ARHGAP29: variants seen among roughly 807,000 people sequenced by gnomAD.
ARHGAP29 encodes rho GTPase-activating protein 29.
In ARHGAP29, 43 loss-of-function variants were observed where a neutral mutation model predicts 122.6. The ratio of observed to expected loss-of-function variants is 0.35; its 90% CI spans 0.27 to 0.45. The LOEUF is 0.45. Among genes scored for constraint, ARHGAP29 ranks in the 20% least tolerant of loss-of-function variants. ARHGAP29 has a pLI of 1.00. For missense variants in ARHGAP29, 1,303 were observed against 1,477.2 expected, an observed-to-expected ratio of 0.88 and a Z score of 1.93; for synonymous variants, 506 against 497.1, an observed-to-expected ratio of 1.02 and a Z score of -0.24.
At chr1:94,242,984 T>C (rs1233960233) in intron 1 of ARHGAP29, among the ~76,000 whole-genome samples, 1 of 152,102 alleles carries the variant, frequency 6.6e-6, no homozygotes, top group African/African-American at 2.4e-5. Context: ...AAGTGAGTCA[T>C]TTCATCATAA....
the ARHGAP29 span, among the ~76,000 whole-genome samples, chr1:94,304,730 A>T: frequency 6.6e-6 from 1 of 152,212 alleles, no homozygotes; most frequent in South Asian, 2.1e-4. Context: ...ATGCTGATGC[A>T]GGAAATATGA....
chr1:94,261,102 A>G (rs1056440644), intron 1 of ARHGAP29, among the ~76,000 whole-genome samples: 2 of 152,156 alleles, frequency 1.3e-5, no homozygotes, highest in Admixed American at 1.3e-4. Flanking sequence ...ATCAGATTGG[A>G]CTTTTTGGAA....
rs542889816 is a variant in ARHGAP29 at position 94,208,004 on chromosome 1, C to G, written c.510+828G>C. Among the ~76,000 whole-genome samples the G allele has an allele frequency of 5.3e-5, 8 of 152,246 alleles. No individual in the cohort carries two copies. In the East Asian group the frequency reaches 1.4e-3, roughly 26 times the overall value. Reference sequence around the variant, plus strand: ...GGACTACAGACTTGTGCCACCACATCTGGCTAATTTTTTGTAGGGACAGGG... The same window carrying G: ...GGACTACAGACTTGTGCCACCACATGTGGCTAATTTTTTGTAGGGACAGGG... On this transcript the variant is annotated intron_variant, in intron 5 of 22. Transcript: ENST00000260526.
At chr1:94,194,849 A>C (rs1047828112) in intron 12 of ARHGAP29, 1 of 152,256 alleles carries the variant, frequency 6.6e-6, no homozygotes, top group African/African-American at 2.4e-5. Context: ...TTATGTTTTG[A>C]TATATGCTGC....
the ARHGAP29 span, among the ~76,000 whole-genome samples, chr1:94,287,114 A>G: frequency 1.3e-5 from 2 of 152,068 alleles, no homozygotes; most frequent in Non-Finnish European, 2.9e-5. Context: ...ACCCTCTTTG[A>G]GTTTGATTAA....
intron 13 of ARHGAP29, 69 bp from the exon 14 acceptor site, chr1:94,189,421 CTA>C: frequency 1.4e-6 from 2 of 1,438,350 alleles, no homozygotes; most frequent in Non-Finnish European, 1.8e-6. Flanking sequence ...TGATTTCATT[CTA>C]TGTTTAGAAA....
Position 94,189,954 on chromosome 1 carries a change from T to G in ARHGAP29, c.1411A>C (p.Asn471His). 6.2e-7 allele frequency: 1 copy of G among 1,613,412 alleles called. No homozygotes were observed. The highest frequency in any genetic ancestry group is 8.5e-7 in the Non-Finnish European group (1 of 1,179,554). ...TCAACTTTTTCTTCTTCAGTTGAATTTGTGGCCTTGACAAATTCACTGTAC... is the reference window on the plus strand; with the variant it reads ...TCAACTTTTTCTTCTTCAGTTGAATGTGTGGCCTTGACAAATTCACTGTAC... ...QEYSEFVKAT[N>H]STEEEKVDGN... The change falls in exon 13 of 23, where the codon AAT becomes CAT. Residue 471 changes from asparagine to histidine, a missense_variant. Physicochemically the swap from Asn to His is moderately conservative, Grantham distance 68. This residue lies in a region of ARHGAP29 where 592 missense variants were observed against 648.2 expected (regional missense o/e 0.91). Transcript: ENST00000260526.
At chr1:94,307,899 G>A in the ARHGAP29 span, among the ~76,000 whole-genome samples, 1 of 152,272 alleles carries the variant, frequency 6.6e-6, no homozygotes, top group Admixed American at 6.5e-5. Flanking sequence ...CTTAACCCAA[G>A]AAAAAGCAAA....
At chr1:94,266,522 T>A (rs1654776277) in intron 1 of ARHGAP29, among the ~76,000 whole-genome samples, 1 of 152,284 alleles carries the variant, frequency 6.6e-6, no homozygotes, top group African/African-American at 2.4e-5. Flanking sequence ...CTTCCATCTC[T>A]TCTTTCCTTC....
At chr1:94,211,316 A>G (rs12759255) in intron 3 of ARHGAP29, among the ~76,000 whole-genome samples, 1 of 138,744 alleles carries the variant, frequency 7.2e-6, no homozygotes, top group Non-Finnish European at 1.6e-5. Context: ...AAAAAAAAGG[A>G]CATAACAATT....
upstream of ARHGAP29, among the ~76,000 whole-genome samples, chr1:94,239,136 C>T (rs74102131): frequency 1.3e-5 from 2 of 152,138 alleles, no homozygotes; most frequent in Admixed American, 6.5e-5. Flanking sequence ...AAGAAAAATG[C>T]GCCAAGGACT....
At chr1:94,262,586 G>T (rs1349224473) in intron 1 of ARHGAP29, among the ~76,000 whole-genome samples, 1 of 152,034 alleles carries the variant, frequency 6.6e-6, no homozygotes, top group African/African-American at 2.4e-5. Context: ...TAAAAAGTGG[G>T]CAAAGAACAT....
At chr1:94,300,387 C>T in the ARHGAP29 span, among the ~76,000 whole-genome samples, 1 of 152,314 alleles carries the variant, frequency 6.6e-6, no homozygotes, top group South Asian at 2.1e-4. Flanking sequence ...CTCCGTCTCA[C>T]ATTCCTGGTG....
At chr1:94,296,833 A>G in the ARHGAP29 span, among the ~76,000 whole-genome samples, 148 of 152,354 alleles carry the variant, frequency 9.7e-4, no homozygotes, top group African/African-American at 3.4e-3. Flanking sequence ...ACAAATTGGA[A>G]GAGATTGAGA....
At chr1:94,201,591 T>C in intron 12 of ARHGAP29, 129 bp downstream of exon 12, 1 of 1,038,826 alleles carries the variant, frequency 9.6e-7, no homozygotes, top group East Asian at 3.0e-5. Flanking sequence ...CACTATAACC[T>C]CAAACTTTTG....
upstream of ARHGAP29, among the ~76,000 whole-genome samples, chr1:94,240,310 A>T (rs1265179531): frequency 6.6e-6 from 1 of 152,180 alleles, no homozygotes; most frequent in Admixed American, 6.5e-5. Flanking sequence ...TTAAACCTTT[A>T]AAAAAATACA....
upstream of ARHGAP29, among the ~76,000 whole-genome samples, chr1:94,276,330 G>A (rs925145603): frequency 6.6e-6 from 1 of 152,060 alleles, no homozygotes; most frequent in South Asian, 2.1e-4. Context: ...GGATAGGGGA[G>A]CATCTTGTTA....
chr1:94,312,355 GTTT>G, the ARHGAP29 span, among the ~76,000 whole-genome samples: 131 of 88,798 alleles, frequency 1.5e-3, no homozygotes, highest in Middle Eastern at 6.8e-3. Flanking sequence ...ATTTTTATTT[GTTT>G]TTTTTTTTTT....
intron 5 of ARHGAP29, among the ~76,000 whole-genome samples, chr1:94,206,749 A>G (rs1031111532): frequency 3.3e-5 from 5 of 151,850 alleles, no homozygotes; most frequent in African/African-American, 1.2e-4. Context: ...TACAAAAATT[A>G]GCCAGGTGTG....
Sources: allele counts gnomAD v4.1 joint callset (sites outside exome capture counted in the v4.1 genomes callset), GRCh38; gene constraint gnomAD v4.1.1; regional missense constraint gnomAD v4.1.1; transcripts MANE v1.5; gene names NCBI Gene and HGNC (gene_info 2026-07-23, HGNC 2026-07-21).